GNL2: variants seen among roughly 807,000 people sequenced by gnomAD.
The protein encoded by GNL2 is nucleolar GTP-binding protein 2.
A neutral mutation model predicts 92.3 loss-of-function variants in GNL2; 51 were observed. The ratio of observed to expected loss-of-function variants is 0.55; its 90% CI spans 0.44 to 0.70. The LOEUF (loss-of-function observed/expected upper bound fraction) is 0.70. Ranked by LOEUF, GNL2 falls within the 30% of genes least tolerant of loss-of-function variation. The probability of loss-of-function intolerance (pLI) is 0.00; values close to 1 mark genes in which losing one functional copy is unlikely to be tolerated. For missense variants in GNL2, 844 were observed against 895.6 expected (o/e 0.94, Z 0.74); for synonymous variants, 283 against 300.6 (o/e 0.94, Z 0.61).
At chr1:37,586,985 G>A (rs1306750097) in intron 5 of GNL2, among the ~76,000 whole-genome samples, 1 of 152,178 alleles carries the variant, frequency 6.6e-6, no homozygotes, top group Non-Finnish European at 1.5e-5. Flanking sequence ...ACTGTACCTC[G>A]ACCGGGTGCA....
At chr1:37,567,883 GCA>G in intron 14 of GNL2, 119 bp from the exon 15 acceptor site, 1 of 750,264 alleles carries the variant, frequency 1.3e-6, no homozygotes, top group Non-Finnish European at 2.3e-6. Flanking sequence ...GAGCAGGTGA[GCA>G]CAGTGGTGAG....
rs769041858 is a variant in GNL2 at position 37,593,770 on chromosome 1, C to G, written c.141G>C (p.Lys47Asn). The change falls in exon 2 of 16, where the codon AAG becomes AAC. Residue 47 changes from lysine to asparagine, a missense_variant. By Grantham distance (94) the Lys-to-Asn change is moderately conservative (BLOSUM62 0). Coordinates refer to ENST00000373062, the MANE Select transcript of GNL2 (RefSeq NM_013285.3). ...CAGCACCCAGTGCTCACCTGCGCTC[C>G]TTTTGCCTATACATATTCAGGCGCC... ...TIRRLNMYRQKERRNSRGKII... is the reference protein window; with the variant it reads ...TIRRLNMYRQNERRNSRGKII... The G allele has an allele frequency of 6.2e-7, 1 of 1,613,064 alleles. No homozygotes were observed. The highest frequency in any genetic ancestry group is 1.7e-5 in the Admixed American group (1 of 60,000).
intron 5 of GNL2, among the ~76,000 whole-genome samples, chr1:37,586,152 T>C (rs2148140230): frequency 6.6e-6 from 1 of 152,348 alleles, no homozygotes; most frequent in East Asian, 1.9e-4. Flanking sequence ...TATTATATTA[T>C]TGTTGATTAT....
chr1:37,590,552 C>T (rs1243934887), intron 4 of GNL2, among the ~76,000 whole-genome samples, 154 bp downstream of exon 4: 1 of 152,198 alleles, frequency 6.6e-6, no homozygotes, highest in African/African-American at 2.4e-5. Flanking sequence ...TCATACTAAA[C>T]ATGAAAAGGT....
chr1:37,576,249 TCA>T (rs1472413518), intron 9 of GNL2, 177 bp downstream of exon 9: 35 of 570,288 alleles, frequency 6.1e-5, no homozygotes, highest in Non-Finnish European at 9.5e-5. Flanking sequence ...TAAAATACTC[TCA>T]GTCTTATCAA....
At chr1:37,587,007 C>T (rs1418675759) in intron 5 of GNL2, among the ~76,000 whole-genome samples, 1 of 152,174 alleles carries the variant, frequency 6.6e-6, no homozygotes, top group Non-Finnish European at 1.5e-5. Flanking sequence ...TGGCTCACAC[C>T]TGTAATCCTA....
rs766218903 is a variant in GNL2, at chr1:37,575,729, T to C, written c.1039-30A>G. On this transcript the variant is annotated intron_variant, in intron 9 of 15. Transcript: ENST00000373062. This position sits in a 1 kb window ranked among gnomAD's most constrained non-coding sequence, Gnocchi z 4.1. ...AGTCAGAAAAAAGTCAGAGATGTCC[T>C]GTATCAAACACTAAGAGTCTAATTT... The C allele has an allele frequency of 5.2e-6, 7 of 1,338,262 alleles. No individual in the cohort carries two copies. Among genetic ancestry groups the C allele is most frequent in the Admixed American group, 3.9e-5 (2 of 50,724 alleles). 82.9% of individuals were successfully genotyped at this position (1,338,262 alleles called of 1,614,324 possible). A position where few individuals can be genotyped will look rare whatever the true frequency, so the allele number is the denominator to read the frequency against.
At chr1:37,570,386 T>G (rs1643575876) in intron 12 of GNL2, 1 of 152,056 alleles carries the variant, frequency 6.6e-6, no homozygotes, top group Admixed American at 6.6e-5. Context: ...AAAAATTAGC[T>G]GGGCCTGGTG....
chr1:37,586,444 C>T (rs980947840), intron 5 of GNL2, among the ~76,000 whole-genome samples: 3 of 152,064 alleles, frequency 2.0e-5, no homozygotes, highest in Non-Finnish European at 4.4e-5. Flanking sequence ...TGGATCCCTA[C>T]GAGAATATGA....
intron 8 of GNL2, among the ~76,000 whole-genome samples, chr1:37,577,688 T>C (rs1233233870): frequency 1.3e-5 from 2 of 152,146 alleles, no homozygotes; most frequent in Non-Finnish European, 2.9e-5. Flanking sequence ...CAGAGATTCA[T>C]TGGGAATCAC....
At chr1:37,593,037 C>G (rs775311542) in intron 2 of GNL2, among the ~76,000 whole-genome samples, 4 of 151,992 alleles carry the variant, frequency 2.6e-5, no homozygotes, top group African/African-American at 4.8e-5. Context: ...TGAATAACAA[C>G]TAATGGTGAC....
At position 37,576,434 on chromosome 1, in the gene GNL2, T is replaced by C; in HGVS notation, c.1032A>G (p.Glu344=). Residue 344 remains glutamate (E), a synonymous_variant, in exon 9 of 16, where the codon GAA becomes GAG. Coordinates refer to ENST00000373062, the MANE Select transcript of GNL2 (RefSeq NM_013285.3). ...CACCCTGCGCCCAACGTACCTTTGT[T>C]TCACCTGCAATGGGAGCCACGTTGC... ...KVCNVAPIAG[E]TKVWQYITLM... 2 of 1,613,818 alleles carry C rather than the reference T, an allele frequency of 1.2e-6. No individual in the cohort carries two copies.
At chr1:37,578,045 C>A (rs1234255749) in intron 8 of GNL2, among the ~76,000 whole-genome samples, 1 of 152,178 alleles carries the variant, frequency 6.6e-6, no homozygotes, top group Non-Finnish European at 1.5e-5. Context: ...TTCTATACCC[C>A]TAGAGCTAGA....
Position 37,582,835 on chromosome 1 carries a change from A to G in GNL2, c.738T>C (p.Pro246=), listed in dbSNP as rs371440333. 123 of 1,613,806 alleles carry G rather than the reference A, an allele frequency of 7.6e-5. No homozygotes were observed. The highest frequency in any genetic ancestry group is 9.4e-5 in the Non-Finnish European group (111 of 1,179,828). The stretch of plus-strand genomic sequence containing the variant: ...TAAGTACAAAAATGAGGTGTTTCCA[A>G]GGTTTTTCCTTCTTCAGGTAAGTTT... ...HIETYLKKEK[P]WKHLIFVLNK... The change falls in exon 7 of 16, where the codon CCT becomes CCC. Residue 246 remains proline (P), a synonymous_variant. Coordinates refer to ENST00000373062, the MANE Select transcript of GNL2 (RefSeq NM_013285.3).
chr1:37,581,649 A>G, intron 8 of GNL2: 1 of 382,396 alleles, frequency 2.6e-6, no homozygotes, highest in Non-Finnish European at 5.2e-6. Flanking sequence ...GAGTTTTTAC[A>G]TCTCTGGAAG....
chr1:37,590,882 T>C (rs376862203), intron 3 of GNL2, 37 bp from the exon 4 acceptor site: 5 of 1,509,050 alleles, frequency 3.3e-6, no homozygotes, highest in East Asian at 2.4e-5. Flanking sequence ...ACTTAGTTAA[T>C]ATTTGCGCAT....
chr1:37,582,024 C>T (rs1183495777), intron 8 of GNL2, among the ~76,000 whole-genome samples, 199 bp downstream of exon 8: 1 of 151,988 alleles, frequency 6.6e-6, no homozygotes, highest in Non-Finnish European at 1.5e-5. Flanking sequence ...GCAGTGGTGC[C>T]ATCATAGCTC....
At chr1:37,585,305 C>A (rs193094082) in intron 5 of GNL2, among the ~76,000 whole-genome samples, 1 of 151,680 alleles carries the variant, frequency 6.6e-6, no homozygotes, top group African/African-American at 2.4e-5. Context: ...GTGATCCGCC[C>A]GCCTCAGCCT....
rs80297980 is a variant in GNL2, at chr1:37,595,594, A to C, written c.64+165T>G. ...AGTTCCCCCCTGAGAAGAAACCACC[A>C]CAAATATTGCTTTCCTTTTTCCCTT... On this transcript the variant is annotated intron_variant, in intron 1 of 15. Coordinates refer to ENST00000373062, the MANE Select transcript of GNL2 (RefSeq NM_013285.3). Among the ~76,000 whole-genome samples the C allele has an allele frequency of 4.5e-3, 679 of 152,272 alleles. 5 individuals are homozygous for C. The highest frequency in any genetic ancestry group is 0.015 in the African/African-American group (637 of 41,550).
Sources: gnomAD v4.1 joint callset for allele counts (sites outside exome capture counted in the v4.1 genomes callset) on GRCh38, gnomAD v4.1.1 for gene constraint, Gnocchi (gnomAD v3.1) non-coding constraint, MANE v1.5 for transcripts, NCBI Gene and HGNC (gene_info 2026-07-23, HGNC 2026-07-21) for gene names.